The following TERB1 variants were observed in gnomAD, a reference collection of about 807,000 sequenced individuals.
TERB1 encodes telomere repeats-binding bouquet formation protein 1.
Under a neutral mutation model 92.3 loss-of-function variants are expected in TERB1, and 63 were observed. The ratio of observed to expected loss-of-function variants is 0.68; its 90% CI spans 0.56 to 0.84. The LOEUF (loss-of-function observed/expected upper bound fraction) is 0.84. Ranked by LOEUF, TERB1 falls within the 40% of genes least tolerant of loss-of-function variation. The pLI is 0.00. For synonymous variants in TERB1, 252 were observed against 283.9 expected, an observed-to-expected ratio of 0.89 and a Z score of 1.13; for missense variants, 709 against 843.7, an observed-to-expected ratio of 0.84 and a Z score of 1.98.
At chr16:66,766,122 C>T (rs1298037848) in intron 16 of TERB1, among the ~76,000 whole-genome samples, 3 of 151,656 alleles carry the variant, frequency 2.0e-5, no homozygotes, top group African/African-American at 2.4e-5. Context: ...CCACCCGCCT[C>T]GGCCTCCCAA....
upstream of TERB1, among the ~76,000 whole-genome samples, chr16:66,801,927 G>T (rs1055558721): frequency 6.6e-6 from 1 of 152,216 alleles, no homozygotes; most frequent in Non-Finnish European, 1.5e-5. Flanking sequence ...TGTGCTGTGT[G>T]TTCTCCCTTT....
chr16:66,772,532 A>G (rs1393271335), intron 13 of TERB1, 57 bp downstream of exon 13: 3 of 1,445,138 alleles, frequency 2.1e-6, no homozygotes, highest in African/African-American at 1.4e-5. Context: ...GAGAAAAAAG[A>G]AAGAAATTTT....
chr16:66,767,307 C>A, intron 16 of TERB1, 108 bp downstream of exon 16: 2 of 635,234 alleles, frequency 3.1e-6, no homozygotes, highest in East Asian at 3.3e-5. Flanking sequence ...CCACTGCACT[C>A]CAGCCTGGGT....
chr16:66,777,149 G>C (rs1490294198), intron 11 of TERB1, 54 bp downstream of exon 11: 1 of 1,425,572 alleles, frequency 7.0e-7, no homozygotes, highest in Non-Finnish European at 9.3e-7. Context: ...AAAAACAGAA[G>C]TATATTTCCG....
At chr16:66,778,245 G>T (rs2018581271) in intron 10 of TERB1, among the ~76,000 whole-genome samples, 1 of 151,840 alleles carries the variant, frequency 6.6e-6, no homozygotes, top group African/African-American at 2.4e-5. Context: ...ATATCCCTTG[G>T]TTTCTCATCT....
In TERB1 at chr16:66,788,360, G is replaced by A. The variant is rs955376171; in HGVS notation, c.272-63C>T. On this transcript the variant is annotated intron_variant, in intron 5 of 18. Transcript: ENST00000433154. Reference sequence around the variant, plus strand: ...TCACAAACATGCTTTAAAATATGCTGAACAAAATAAAAAATTGCCTAACTG... The same window carrying A: ...TCACAAACATGCTTTAAAATATGCTAAACAAAATAAAAAATTGCCTAACTG... 3 of 1,331,138 alleles carry A rather than the reference G, an allele frequency of 2.3e-6. No homozygotes were observed. In the East Asian group the frequency reaches 8.9e-5, roughly 39 times the overall value. The allele number at this position is 1,331,138 out of a possible 1,614,324, so 82.5% of individuals were successfully genotyped here.
At chr16:66,770,446 C>T (rs568103415) in intron 13 of TERB1, 137 bp from the exon 14 acceptor site, 39 of 622,160 alleles carry the variant, frequency 6.3e-5, no homozygotes, top group Non-Finnish European at 9.1e-5. Flanking sequence ...AGGCAGTTTA[C>T]ATTAGGAAGA....
At chr16:66,786,618 A>G (rs1479852216) in intron 6 of TERB1, among the ~76,000 whole-genome samples, 1 of 152,230 alleles carries the variant, frequency 6.6e-6, no homozygotes, top group Non-Finnish European at 1.5e-5. Context: ...AATAAAACAA[A>G]ATCTAGAAAC....
chr16:66,760,783 C>CAAAAAAAAAAAAAAAAAAAAAAAAAAAA (rs57817560), intron 16 of TERB1, among the ~76,000 whole-genome samples: 1 of 67,248 alleles, frequency 1.5e-5, no homozygotes, highest in Non-Finnish European at 2.8e-5. Context: ...GACTCCATCT[C>CAAAAAAAAAAAAAAAAAAAAAAAAAAAA]AAAAAAAAAA....
intron 9 of TERB1, among the ~76,000 whole-genome samples, chr16:66,781,896 T>C (rs1371761304): frequency 6.6e-6 from 1 of 152,214 alleles, no homozygotes; most frequent in East Asian, 1.9e-4. Flanking sequence ...TAGCAAGCTC[T>C]TCCGAAGAGC....
intron 16 of TERB1, among the ~76,000 whole-genome samples, chr16:66,765,849 A>ATTTTTTT (rs10564947): frequency 2.9e-4 from 18 of 62,504 alleles, no homozygotes; most frequent in Non-Finnish European, 4.7e-4. Flanking sequence ...ACTATTGGGT[A>ATTTTTTT]TTTTTTTTTT....
chr16:66,760,130 C>CAAAAAAAAAAAA (rs148772308), intron 16 of TERB1, among the ~76,000 whole-genome samples: 8 of 23,372 alleles, frequency 3.4e-4, no homozygotes, highest in East Asian at 1.0e-3. Flanking sequence ...GACTCCATCT[C>CAAAAAAAAAAAA]AAAAAAAAAA....
chr16:66,758,718 G>T lies in TERB1; in HGVS notation c.1996+55C>A, dbSNP rs2018178013. The T allele has an allele frequency of 6.3e-6, 7 of 1,103,736 alleles. No individual in the cohort carries two copies. The Admixed American group carries it at 1.0e-4, about 16-fold the overall frequency. 68.4% of individuals were successfully genotyped at this position (1,103,736 alleles called of 1,614,324 possible). A position where few individuals can be genotyped will look rare whatever the true frequency, so the allele number is the denominator to read the frequency against. On this transcript the variant is annotated intron_variant, in intron 18 of 18. Transcript: ENST00000433154. ...ATTGCTCCACTGCACTCCATCCTGG[G>T]TAACAGAGCCAGACCCTGTCTCAAG...
At chr16:66,795,766 A>G (rs2018919529) in intron 3 of TERB1, among the ~76,000 whole-genome samples, 1 of 152,092 alleles carries the variant, frequency 6.6e-6, no homozygotes, top group Non-Finnish European at 1.5e-5. Context: ...CTATTTATTT[A>G]TTTATGAATG....
chr16:66,800,924 G>A (rs776584274), intron 2 of TERB1, 53 bp downstream of exon 2: 4 of 152,380 alleles, frequency 2.6e-5, no homozygotes, highest in Admixed American at 6.5e-5. Context: ...TTTCCAAGGC[G>A]GGGGCGCTCA....
intron 9 of TERB1, among the ~76,000 whole-genome samples, chr16:66,779,307 T>C (rs2018598361): frequency 1.3e-5 from 2 of 152,156 alleles, no homozygotes. Context: ...ATTATTAAGC[T>C]GTCCTTTAGG....
chr16:66,797,046 C>T (rs964692625), intron 2 of TERB1, among the ~76,000 whole-genome samples: 4 of 152,112 alleles, frequency 2.6e-5, no homozygotes, highest in Admixed American at 1.3e-4. Context: ...TTCTTTGAGG[C>T]TCTGTATCCT....
In TERB1 at chr16:66,784,794, A is replaced by AC. The variant is rs1250594805; in HGVS notation, c.700+991_700+992insG. Among the ~76,000 whole-genome samples the AC allele has an allele frequency of 2.2e-5, 3 of 134,244 alleles. No individual in the cohort carries two copies. The East Asian group carries it at 6.4e-4, about 29-fold the overall frequency. 88.1% of individuals were successfully genotyped at this position (134,244 alleles called of 152,430 possible). A position where few individuals can be genotyped will look rare whatever the true frequency, so the allele number is the denominator to read the frequency against. On this transcript the variant is annotated intron_variant, in intron 9 of 18. Coordinates refer to ENST00000433154, the MANE Select transcript of TERB1 (RefSeq NM_001136505.2). ...GAAACGGAGTCTCATTCTGTCACCC[A>AC]GGCTGGAGTGCAGTGGTGTGATCTC...
rs1959198035 is a variant in TERB1 at position 66,796,790 on chromosome 16, A to T, written c.9T>A (p.Ser3Arg). The T allele has an allele frequency of 2.6e-6, 4 of 1,536,356 alleles. No homozygotes were observed. The African/African-American group carries it at 5.5e-5, about 21-fold the overall frequency. Residue 3 changes from serine (S) to arginine (R), a missense_variant, in exon 3 of 19, where the codon AGT becomes AGA. Ser to Arg is a moderately radical substitution (Grantham distance 110). Transcript: ENST00000433154. ...CACCTTGTGTTTTCTTTGTGTCTTC[A>T]CTTTCCATGCTTGTCTATATTCTTT... ME[S>R]EDTKKTQEMK...
Sources: gnomAD v4.1 joint callset for allele counts (sites outside exome capture counted in the v4.1 genomes callset) on GRCh38, gnomAD v4.1.1 for gene constraint, MANE v1.5 for transcripts, NCBI Gene and HGNC (gene_info 2026-07-23, HGNC 2026-07-21) for gene names.